The following PHACTR1 variants were observed in gnomAD, a reference collection of about 807,000 sequenced individuals.
PHACTR1 encodes the protein RPEL repeat containing 1.
PHACTR1 carries 16 observed loss-of-function variants against 69.2 expected under a neutral mutation model. The observed-to-expected ratio is 0.23, with a 90% CI of 0.16 to 0.35. The LOEUF (loss-of-function observed/expected upper bound fraction) is 0.35. PHACTR1 is among the 10% of genes least tolerant of loss of function. The pLI, the probability that PHACTR1 is intolerant of heterozygous loss-of-function variation, is 1.00. For synonymous variants in PHACTR1, 312 were observed against 284.5 expected (o/e 1.10, Z -0.97); for missense variants, 510 against 734.7 (o/e 0.69, Z 3.54).
At position 13,274,249 on chromosome 6, in the gene PHACTR1, G is replaced by C. The variant is rs190261106; in HGVS notation, c.1447+1334G>C. On this transcript the variant is annotated intron_variant, in intron 11 of 14. Coordinates refer to ENST00000332995, the MANE Select transcript of PHACTR1 (RefSeq NM_030948.6). ...TTATTTTCAGGATTAGCCTTCCTCA[G>C]TCGTGGGGGAACCCTACGCTTTGCC... is the stretch of plus-strand genomic sequence containing the variant. 11 of 152,316 alleles carry C rather than the reference G, an allele frequency of 7.2e-5. 1 individual carries two copies. The highest frequency in any genetic ancestry group is 2.4e-4 in the African/African-American group (10 of 41,566). 9.4% of individuals were successfully genotyped at this position (152,316 alleles called of 1,614,324 possible).
At chr6:13,164,335 C>A (rs1210283787) in intron 6 of PHACTR1, among the ~76,000 whole-genome samples, 6 of 152,170 alleles carry the variant, frequency 3.9e-5, no homozygotes, top group Non-Finnish European at 8.8e-5. Context: ...AAGGATAAAT[C>A]TCATAGATTC....
At chr6:12,902,407 A>C (rs1283552919) in intron 4 of PHACTR1, among the ~76,000 whole-genome samples, 1 of 152,178 alleles carries the variant, frequency 6.6e-6, no homozygotes, top group Non-Finnish European at 1.5e-5. Flanking sequence ...TGGGCGACAG[A>C]GCAAGATCCT....
At chr6:12,950,580 C>A (rs899278752) in intron 4 of PHACTR1, among the ~76,000 whole-genome samples, 1 of 152,196 alleles carries the variant, frequency 6.6e-6, no homozygotes, top group African/African-American at 2.4e-5. Flanking sequence ...ACATGTGGTA[C>A]TCACCATTTG....
intron 5 of PHACTR1, among the ~76,000 whole-genome samples, chr6:13,055,417 T>A (rs184816007): frequency 6.6e-6 from 1 of 152,278 alleles, no homozygotes; most frequent in East Asian, 1.9e-4. Flanking sequence ...ACTTAGGTCA[T>A]TGTCTCAGAG....
chr6:13,222,247 G>A (rs530635040), intron 8 of PHACTR1, among the ~76,000 whole-genome samples: 16 of 152,302 alleles, frequency 1.1e-4, no homozygotes, highest in African/African-American at 3.1e-4. Context: ...TTTATTACAC[G>A]AGTCAGCAGT....
chr6:13,126,765 C>A (rs940256475), intron 5 of PHACTR1, among the ~76,000 whole-genome samples: 18 of 152,230 alleles, frequency 1.2e-4, no homozygotes, highest in African/African-American at 3.6e-4. Context: ...TGCCCAGGAT[C>A]ACACAATTAG....
intron 4 of PHACTR1, chr6:12,933,823 G>A (rs758689152): frequency 2.6e-5 from 42 of 1,612,680 alleles, no homozygotes; most frequent in Non-Finnish European, 2.9e-5. Context: ...CTCAGGGTAT[G>A]AGCCCTGTTC....
chr6:12,852,581 A>G (rs1288769990), intron 4 of PHACTR1, among the ~76,000 whole-genome samples: 1 of 152,096 alleles, frequency 6.6e-6, no homozygotes, highest in Non-Finnish European at 1.5e-5. Context: ...CTTTATATTT[A>G]TATTTATATT....
chr6:13,055,793 A>G lies in PHACTR1; in HGVS notation c.415+2264A>G, dbSNP rs78785525. ...ATATCACCTGATAGGTGCAGATGCA[A>G]TGGCATCAGATTACTCATGAATTAT... On this transcript the variant is annotated intron_variant, in intron 5 of 14. Coordinates refer to ENST00000332995, the MANE Select transcript of PHACTR1 (RefSeq NM_030948.6). Among the ~76,000 whole-genome samples, 570 of 152,378 alleles carry G rather than the reference A, an allele frequency of 3.7e-3. 3 individuals carry two copies. The highest frequency in any genetic ancestry group is 0.013 in the African/African-American group (547 of 41,596).
chr6:12,879,113 G>T (rs141730491), intron 4 of PHACTR1, among the ~76,000 whole-genome samples: 1 of 152,158 alleles, frequency 6.6e-6, no homozygotes, highest in Non-Finnish European at 1.5e-5. Context: ...TTTTGCTCCC[G>T]TGGAGTGTAT....
intron 10 of PHACTR1, among the ~76,000 whole-genome samples, chr6:13,269,075 G>A (rs1354046802): frequency 6.6e-6 from 1 of 152,196 alleles, no homozygotes. Flanking sequence ...CAAAGCTGAT[G>A]AGGGAACAAT....
intron 4 of PHACTR1, among the ~76,000 whole-genome samples, chr6:13,017,024 T>A (rs2127658742): frequency 6.6e-6 from 1 of 152,072 alleles, no homozygotes; most frequent in East Asian, 1.9e-4. Flanking sequence ...CTGTCTCTAC[T>A]AAAAATACAA....
At chr6:12,904,270 G>T (rs186749939) in intron 4 of PHACTR1, among the ~76,000 whole-genome samples, 2 of 152,098 alleles carry the variant, frequency 1.3e-5, no homozygotes, top group East Asian at 3.9e-4. Flanking sequence ...CATTACGGCC[G>T]GGTGCAGTGG....
chr6:13,012,615 G>A (rs980968088), intron 4 of PHACTR1, among the ~76,000 whole-genome samples: 1 of 152,156 alleles, frequency 6.6e-6, no homozygotes, highest in South Asian at 2.1e-4. Context: ...GCTTGTTAAA[G>A]GTACAGACTC....
chr6:12,912,012 A>C (rs1189167338), intron 4 of PHACTR1, among the ~76,000 whole-genome samples: 5 of 152,136 alleles, frequency 3.3e-5, no homozygotes, highest in African/African-American at 9.7e-5. Context: ...TTGTTTATTT[A>C]TTTGAGACGG....
At chr6:13,155,381 G>A (rs1365392050) in intron 5 of PHACTR1, among the ~76,000 whole-genome samples, 6 of 152,146 alleles carry the variant, frequency 3.9e-5, no homozygotes, top group Non-Finnish European at 8.8e-5. Flanking sequence ...CCTGGCTTCT[G>A]TTTGTGAGTC....
intron 3 of PHACTR1, among the ~76,000 whole-genome samples, chr6:12,719,754 G>A (rs537523332): frequency 1.3e-5 from 2 of 152,232 alleles, no homozygotes; most frequent in East Asian, 3.9e-4. Flanking sequence ...CTTTACACAC[G>A]CCACTGATAA....
chr6:13,039,796 G>A (rs940730033), intron 4 of PHACTR1, among the ~76,000 whole-genome samples: 1 of 152,188 alleles, frequency 6.6e-6, no homozygotes, highest in African/African-American at 2.4e-5. Flanking sequence ...CTTATTGTGC[G>A]TAGAGATTCC....
intron 4 of PHACTR1, among the ~76,000 whole-genome samples, chr6:12,844,491 C>T (rs1779004627): frequency 6.6e-6 from 1 of 151,988 alleles, no homozygotes; most frequent in Non-Finnish European, 1.5e-5. Context: ...GGTTAAGGCA[C>T]CCAGGTCGTG....
Sources: gnomAD v4.1 joint callset for allele counts (sites outside exome capture counted in the v4.1 genomes callset) on GRCh38, gnomAD v4.1.1 for gene constraint, MANE v1.5 for transcripts, NCBI Gene and HGNC (gene_info 2026-07-23, HGNC 2026-07-21) for gene names.